The following GALNT7 variants were observed in gnomAD, a reference collection of about 807,000 sequenced individuals.
GALNT7 encodes N-acetylgalactosaminyltransferase 7.
In GALNT7, 60 loss-of-function variants were observed where a neutral mutation model predicts 82.1. The ratio of observed to expected loss-of-function variants is 0.73; its 90% CI spans 0.59 to 0.91. The LOEUF (loss-of-function observed/expected upper bound fraction) is 0.91, where lower values mean the gene tolerates loss of function less well. GALNT7 is among the 40% of genes least tolerant of loss of function. The pLI, the probability that GALNT7 is intolerant of heterozygous loss-of-function variation, is 0.00. For synonymous variants in GALNT7, 243 were observed against 275.1 expected (o/e 0.88, Z 1.15); for missense variants, 660 against 804.2 (o/e 0.82, Z 2.17).
intron 1 of GALNT7, among the ~76,000 whole-genome samples, chr4:173,196,283 C>T (rs1219473821): frequency 2.6e-5 from 4 of 152,042 alleles, no homozygotes; most frequent in Admixed American, 6.6e-5. Context: ...TGCCACCATG[C>T]CTGGCTAATT....
intron 1 of GALNT7, among the ~76,000 whole-genome samples, chr4:173,191,229 G>T (rs897542743): frequency 5.4e-5 from 8 of 147,572 alleles, no homozygotes; most frequent in African/African-American, 1.3e-4. Flanking sequence ...GGATGGGATG[G>T]GGGGGGTACT....
In GALNT7 at chr4:173,295,426, T is replaced by G. The variant is rs1391647600; in HGVS notation, c.785T>G (p.Ile262Ser). The change falls in exon 4 of 12, where the codon ATT (isoleucine) becomes AGT (serine). Residue 262 changes from isoleucine (I) to serine (S), a missense_variant. This residue lies in a region of GALNT7 where 527 missense variants were observed against 683.5 expected (regional missense o/e 0.77). Coordinates refer to ENST00000265000, the MANE Select transcript of GALNT7 (RefSeq NM_017423.3). ...TTAAAAGAAAAACTGGATGAATATA[T>G]TAAGCTGTGGAATGGCCTAGTGAAG... ...EHLKEKLDEYIKLWNGLVKVF... is the reference protein window; with the variant it reads ...EHLKEKLDEYSKLWNGLVKVF... 7 of 1,598,070 alleles carry G rather than the reference T, an allele frequency of 4.4e-6. No individual in the cohort carries two copies. The highest frequency in any genetic ancestry group is 3.3e-4 in the Middle Eastern group (2 of 6,072).
At chr4:173,288,897 G>A (rs1736436004) in intron 2 of GALNT7, among the ~76,000 whole-genome samples, 1 of 151,874 alleles carries the variant, frequency 6.6e-6, no homozygotes. Flanking sequence ...TGTTGTGTTT[G>A]TCAGTTGGTG....
At chr4:173,319,480 A>C (rs945627814) in intron 11 of GALNT7, among the ~76,000 whole-genome samples, 1 of 152,146 alleles carries the variant, frequency 6.6e-6, no homozygotes, top group South Asian at 2.1e-4. Context: ...CAAGTTAGGA[A>C]GGAGAAGAAT....
chr4:173,186,855 C>T (rs1732475964), intron 1 of GALNT7, among the ~76,000 whole-genome samples: 1 of 151,792 alleles, frequency 6.6e-6, no homozygotes, highest in South Asian at 2.1e-4. Context: ...CTCACTGCAA[C>T]CTCCAACTCC....
chr4:173,311,685 C>T (rs1203051032), intron 8 of GALNT7, among the ~76,000 whole-genome samples: 3 of 152,152 alleles, frequency 2.0e-5, no homozygotes, highest in Non-Finnish European at 4.4e-5. Flanking sequence ...ATGGAGGATC[C>T]ACCCCATGAA....
At chr4:173,189,473 G>A (rs549931679) in intron 1 of GALNT7, among the ~76,000 whole-genome samples, 4 of 152,154 alleles carry the variant, frequency 2.6e-5, no homozygotes, top group Admixed American at 6.5e-5. Flanking sequence ...TTCAGTTATC[G>A]GAAACTCATT....
At position 173,322,452 on chromosome 4, in the gene GALNT7, A is replaced by G. The variant is rs1204085786; in HGVS notation, c.*735A>G. 6.6e-6 allele frequency: 1 copy of G among 152,342 alleles called. No homozygotes were observed. The highest frequency in any genetic ancestry group is 1.5e-5 in the Non-Finnish European group (1 of 68,032). The allele number at this position is 152,342 out of a possible 1,614,324, so 9.4% of individuals were successfully genotyped here. A position where few individuals can be genotyped will look rare whatever the true frequency, so the allele number is the denominator to read the frequency against. ...ATATGGAACATCCCAAGGCTGTCCCATAGGGTTGGAAGTTGTGTAGCATTC... is the reference window on the plus strand; with the variant it reads ...ATATGGAACATCCCAAGGCTGTCCCGTAGGGTTGGAAGTTGTGTAGCATTC... On this transcript the variant is annotated 3_prime_UTR_variant, in exon 12 of 12. Transcript: ENST00000265000.
rs1217576190 is a variant in GALNT7, at chr4:173,298,156, A to G, written c.1007A>G (p.Asn336Ser). Residue 336 changes from asparagine to serine, a missense_variant, in exon 6 of 12, where the codon AAC (asparagine) becomes AGC (serine). Physicochemically the swap from Asn to Ser is conservative, Grantham distance 46 (BLOSUM62 1). Around this residue, in one of 2 missense-constraint regions of GALNT7, gnomAD observed 527 missense variants for 683.5 expected, o/e 0.77. Transcript: ENST00000265000. Reference sequence around the variant, plus strand: ...CCGCTTATAGATGTCATAAATGGCAACACATATGAAATTATACCCCAAGGG... The same window carrying G: ...CCGCTTATAGATGTCATAAATGGCAGCACATATGAAATTATACCCCAAGGG... Reference protein sequence around the residue: ...TVPLIDVINGNTYEIIPQGGG... With the variant: ...TVPLIDVINGSTYEIIPQGGG... 4 of 1,613,978 alleles carry G rather than the reference A, an allele frequency of 2.5e-6. No individual in the cohort carries two copies. The highest frequency in any genetic ancestry group is 1.1e-5 in the South Asian group (1 of 91,086).
At position 173,173,576 on chromosome 4, in the gene GALNT7, C is replaced by A. The variant is rs147258131; in HGVS notation, c.126+4615C>A. ...GGGATGGTTTGGGGATGAAACTGTT[C>A]CGCCTCAGATCATTAGGTATTAGAT... is the stretch of plus-strand genomic sequence containing the variant. On this transcript the variant is annotated intron_variant, in intron 1 of 11. Coordinates refer to ENST00000265000, the MANE Select transcript of GALNT7 (RefSeq NM_017423.3). 4.6e-5 allele frequency among the ~76,000 whole-genome samples: 7 copies of A among 152,216 alleles called. No individual in the cohort carries two copies. The East Asian group carries it at 1.4e-3, about 29-fold the overall frequency.
intron 1 of GALNT7, among the ~76,000 whole-genome samples, chr4:173,223,407 A>C (rs966449522): frequency 2.0e-5 from 3 of 152,166 alleles, no homozygotes; most frequent in African/African-American, 7.2e-5. Context: ...CCTGTATTTC[A>C]CTTTGATCTA....
intron 2 of GALNT7, among the ~76,000 whole-genome samples, chr4:173,286,558 G>A (rs1736330905): frequency 6.6e-6 from 1 of 152,238 alleles, no homozygotes; most frequent in Non-Finnish European, 1.5e-5. Flanking sequence ...TGGACCTCAA[G>A]CTTCAGCCAG....
chr4:173,214,288 T>TAAA (rs11330286), intron 1 of GALNT7, among the ~76,000 whole-genome samples: 4 of 140,618 alleles, frequency 2.8e-5, no homozygotes, highest in African/African-American at 7.7e-5. Context: ...CAAAGCTCTT[T>TAAA]AAAAAAAAAA....
At position 173,304,085 on chromosome 4, in the gene GALNT7, G is replaced by A. The variant is rs150824797; in HGVS notation, c.1356G>A (p.Pro452=). The A allele has an allele frequency of 7.1e-5, 114 of 1,613,184 alleles. No individual in the cohort carries two copies. The highest frequency in any genetic ancestry group is 5.1e-4 in the African/African-American group (38 of 74,810). ...TTGAGGGCTGGCAAGGAAATCCTCC[G>A]CCCATTTATGTTGGGTCTTCTCCAA... ...YRLEGWQGNP[P]PIYVGSSPTL... Residue 452 remains proline (P), a synonymous_variant, in exon 8 of 12, where the codon CCG becomes CCA. Transcript: ENST00000265000.
chr4:173,241,929 A>G (rs904047125), intron 1 of GALNT7, among the ~76,000 whole-genome samples: 3 of 152,202 alleles, frequency 2.0e-5, no homozygotes, highest in African/African-American at 7.2e-5. Context: ...ATAGTATATT[A>G]GAAGTCTTGA....
At chr4:173,247,927 C>A in intron 1 of GALNT7, 53 bp from the exon 2 acceptor site, 1 of 1,183,320 alleles carries the variant, frequency 8.5e-7, no homozygotes, top group Non-Finnish European at 1.2e-6. Flanking sequence ...ATGAGCTCTA[C>A]TGTGGTGGTT....
At chr4:173,184,794 A>G (rs1732414968) in intron 1 of GALNT7, among the ~76,000 whole-genome samples, 2 of 152,192 alleles carry the variant, frequency 1.3e-5, no homozygotes, top group African/African-American at 2.4e-5. Context: ...AAATATTAAT[A>G]TTATGAAAGT....
At chr4:173,224,876 G>C (rs369115969) in intron 1 of GALNT7, among the ~76,000 whole-genome samples, 1 of 151,736 alleles carries the variant, frequency 6.6e-6, no homozygotes, top group African/African-American at 2.4e-5. Flanking sequence ...TTAGCCAGGC[G>C]TGGTGGCGCG....
Position 173,302,168 on chromosome 4 carries a change from AC to A in GALNT7, c.1266+5del. 8.5e-7 allele frequency: 1 copy of A among 1,175,962 alleles called. No homozygotes were observed. The allele number at this position is 1,175,962 out of a possible 1,614,324, so 72.8% of individuals were successfully genotyped here. On this transcript the variant is annotated splice_donor_5th_base_variant and intron_variant, in intron 7 of 11. Transcript: ENST00000265000. This position sits in a 1 kb window ranked among gnomAD's most constrained non-coding sequence, Gnocchi z 4.2. ...AAACTTTGAGATCTCATACAAGGTA[AC>A]ATTTTATTTCAACAGATGGAATTCT... is the stretch of plus-strand genomic sequence containing the variant.
Sources: gnomAD v4.1 joint callset for allele counts (sites outside exome capture counted in the v4.1 genomes callset) on GRCh38, gnomAD v4.1.1 for gene constraint, gnomAD v4.1.1 regional missense constraint, Gnocchi (gnomAD v3.1) non-coding constraint, MANE v1.5 for transcripts, NCBI Gene and HGNC (gene_info 2026-07-23, HGNC 2026-07-21) for gene names.